CPED1: variants seen among roughly 807,000 people sequenced by gnomAD.
The protein encoded by CPED1 is cadherin-like and PC-esterase domain-containing protein 1.
Under a neutral mutation model 128.2 loss-of-function variants are expected in CPED1, and 114 were observed. That is an observed-to-expected ratio of 0.89 (90% CI 0.76 to 1.04). CPED1 has a LOEUF of 1.04. CPED1 is among the 50% of genes least tolerant of loss of function. The pLI, the probability that CPED1 is intolerant of heterozygous loss-of-function variation, is 0.00. For synonymous variants in CPED1, 462 were observed against 426.7 expected, an observed-to-expected ratio of 1.08 and a Z score of -1.02; for missense variants, 1,211 against 1,207.1, an observed-to-expected ratio of 1.00 and a Z score of -0.05.
chr7:121,238,357 C>T (rs1013593851), intron 17 of CPED1, among the ~76,000 whole-genome samples: 6 of 152,090 alleles, frequency 3.9e-5, no homozygotes, highest in Admixed American at 1.3e-4. Flanking sequence ...GCCTCTTTGC[C>T]TCTCTTTATG....
Position 121,062,358 on chromosome 7 carries a change from C to A in CPED1, c.541-1880C>A, listed in dbSNP as rs549872088. Among the ~76,000 whole-genome samples the A allele has an allele frequency of 1.6e-4, 24 of 150,958 alleles. No individual in the cohort carries two copies. The South Asian group carries it at 5.0e-3, about 32-fold the overall frequency. Reference sequence around the variant, plus strand: ...AAAGATACTTTGTGAACTTAAAAAACAAACAAACAAAAAATCTCTATTACA... The same window carrying A: ...AAAGATACTTTGTGAACTTAAAAAAAAAACAAACAAAAAATCTCTATTACA... On this transcript the variant is annotated intron_variant, in intron 4 of 22. Transcript: ENST00000310396.
At chr7:121,026,738 C>T (rs895311423) in intron 3 of CPED1, among the ~76,000 whole-genome samples, 1 of 151,094 alleles carries the variant, frequency 6.6e-6, no homozygotes, top group African/African-American at 2.4e-5. Context: ...AGTAATTGGC[C>T]TGCTCACCTT....
rs34007948 is a variant in CPED1, at chr7:121,117,077, T to TTATATATATATATATATA, written c.919-7249_919-7232dup. 1.0e-4 allele frequency among the ~76,000 whole-genome samples: 13 copies of TTATATATATATATATATA among 128,776 alleles called. No homozygotes were observed. In the South Asian group the frequency reaches 1.4e-3, roughly 14 times the overall value. The allele number at this position is 128,776 out of a possible 152,430, so 84.5% of individuals were successfully genotyped here. On this transcript the variant is annotated intron_variant, in intron 7 of 22. Coordinates refer to ENST00000310396, the MANE Select transcript of CPED1 (RefSeq NM_024913.5). ...CACACATTTTATATATATATACACA[T>TTATATATATATATATATA]TATATATATATATATATATATAAAT...
At chr7:121,075,112 T>C (rs1158385812) in intron 5 of CPED1, among the ~76,000 whole-genome samples, 1 of 152,142 alleles carries the variant, frequency 6.6e-6, no homozygotes, top group African/African-American at 2.4e-5. Flanking sequence ...AGGTACTTTG[T>C]ATGAGTCCTA....
chr7:121,232,777 G>A (rs956069205), intron 16 of CPED1, among the ~76,000 whole-genome samples: 2 of 152,030 alleles, frequency 1.3e-5, no homozygotes, highest in African/African-American at 4.8e-5. Context: ...TGTGCTGGAG[G>A]GAGTAATTGC....
intron 7 of CPED1, among the ~76,000 whole-genome samples, chr7:121,106,642 C>G (rs1017972484): frequency 6.6e-6 from 1 of 152,044 alleles, no homozygotes; most frequent in Admixed American, 6.6e-5. Context: ...CTCAGCTCCT[C>G]CCCTTCACCT....
intron 5 of CPED1, among the ~76,000 whole-genome samples, chr7:121,067,297 A>G (rs1445349065): frequency 6.6e-6 from 1 of 151,008 alleles, no homozygotes; most frequent in Non-Finnish European, 1.5e-5. Context: ...CTGGTGTGTG[A>G]TGTTCCCCTT....
At chr7:121,073,697 C>T (rs1257057027) in intron 5 of CPED1, among the ~76,000 whole-genome samples, 4 of 152,104 alleles carry the variant, frequency 2.6e-5, no homozygotes, top group African/African-American at 9.7e-5. Flanking sequence ...GACTCATCTC[C>T]ATGAAATCAT....
chr7:121,068,104 A>G (rs1395997100), intron 5 of CPED1, among the ~76,000 whole-genome samples: 1 of 152,084 alleles, frequency 6.6e-6, no homozygotes, highest in Non-Finnish European at 1.5e-5. Context: ...GCTGTACAGA[A>G]GCTCTTTAGT....
chr7:121,253,809 TAAG>T (rs1798743666), intron 18 of CPED1, among the ~76,000 whole-genome samples: 1 of 151,906 alleles, frequency 6.6e-6, no homozygotes, highest in African/African-American at 2.4e-5. Context: ...CAATACAAAT[TAAG>T]AAGGACAAAG....
At chr7:121,066,579 A>G (rs1793834629) in intron 5 of CPED1, among the ~76,000 whole-genome samples, 1 of 144,728 alleles carries the variant, frequency 6.9e-6, no homozygotes, top group Admixed American at 7.3e-5. Flanking sequence ...TATCACTAAG[A>G]TTTTATCTTT....
chr7:121,141,235 A>G (rs1795894924), intron 15 of CPED1, among the ~76,000 whole-genome samples: 2 of 152,062 alleles, frequency 1.3e-5, no homozygotes, highest in Non-Finnish European at 2.9e-5. Context: ...TATATGAAAT[A>G]TAGAGAAGAT....
intron 16 of CPED1, among the ~76,000 whole-genome samples, chr7:121,174,495 T>TC (rs978270013): frequency 3.1e-4 from 46 of 149,920 alleles, no homozygotes; most frequent in African/African-American, 1.1e-3. Context: ...CCCCATTGCT[T>TC]TTTTTTTTGT....
intron 16 of CPED1, among the ~76,000 whole-genome samples, chr7:121,190,418 A>ATTT (rs992863755): frequency 6.7e-6 from 1 of 149,748 alleles, no homozygotes; most frequent in African/African-American, 2.5e-5. Context: ...AAAAGACTAG[A>ATTT]TTTTATTGGA....
At chr7:121,066,324 GT>G (rs1240164419) in intron 5 of CPED1, among the ~76,000 whole-genome samples, 2 of 151,516 alleles carry the variant, frequency 1.3e-5, no homozygotes, top group African/African-American at 2.4e-5. Context: ...TTTGTTTTTT[GT>G]TTTTTTAATC....
intron 16 of CPED1, among the ~76,000 whole-genome samples, chr7:121,226,644 ATTAT>A (rs1798021353): frequency 6.6e-6 from 1 of 152,086 alleles, no homozygotes; most frequent in Non-Finnish European, 1.5e-5. Flanking sequence ...TTTATATGCA[ATTAT>A]TTTTACAGAT....
rs539739970 is a variant in CPED1 at position 121,056,083 on chromosome 7, G to C, written c.541-8155G>C. 1.1e-4 allele frequency among the ~76,000 whole-genome samples: 17 copies of C among 152,062 alleles called. No individual in the cohort carries two copies. In the South Asian group the frequency reaches 3.3e-3, roughly 30 times the overall value. ...GAAACTCATACATGATTAATCACAT[G>C]GAAATGCTCAGAATATGAGTAAAAT... On this transcript the variant is annotated intron_variant, in intron 4 of 22. Coordinates refer to ENST00000310396, the MANE Select transcript of CPED1 (RefSeq NM_024913.5).
intron 2 of CPED1, among the ~76,000 whole-genome samples, chr7:121,014,466 G>C (rs1233249961): frequency 6.6e-6 from 1 of 151,074 alleles, no homozygotes; most frequent in African/African-American, 2.4e-5. Flanking sequence ...CAGGAGAATT[G>C]TGTGAACCTG....
intron 16 of CPED1, among the ~76,000 whole-genome samples, chr7:121,170,286 T>C (rs1244295491): frequency 6.6e-6 from 1 of 152,200 alleles, no homozygotes; most frequent in East Asian, 1.9e-4. Flanking sequence ...CTTTTTCCTG[T>C]GGCTTTAAGC....
Sources: allele counts gnomAD v4.1 joint callset (sites outside exome capture counted in the v4.1 genomes callset), GRCh38; gene constraint gnomAD v4.1.1; transcripts MANE v1.5; gene names NCBI Gene and HGNC (gene_info 2026-07-23, HGNC 2026-07-21).